The following SDK1 variants were observed in gnomAD, a reference collection of about 807,000 sequenced individuals.
SDK1 encodes sidekick cell adhesion molecule 1.
In SDK1, 157 loss-of-function variants were observed where a neutral mutation model predicts 245.5. That is an observed-to-expected ratio of 0.64 (90% confidence interval 0.56 to 0.73). SDK1 has a LOEUF of 0.73. SDK1 is among the 30% of genes least tolerant of loss of function. SDK1 has a pLI of 0.00. For synonymous variants in SDK1, 1,647 were observed against 1,278.5 expected, an observed-to-expected ratio of 1.29 and a Z score of -6.15; for missense variants, 3,583 against 3,002.3, an observed-to-expected ratio of 1.19 and a Z score of -4.52.
intron 4 of SDK1, among the ~76,000 whole-genome samples, chr7:3,743,638 A>G (rs1779537412): frequency 6.6e-6 from 1 of 152,228 alleles, no homozygotes; most frequent in Admixed American, 6.5e-5. Context: ...GTAAGTATTT[A>G]AGGAACATTT....
At chr7:4,204,945 G>C (rs4460273) in intron 35 of SDK1, among the ~76,000 whole-genome samples, 41,312 of 144,592 alleles carry the variant, frequency 0.29, 6,691 homozygotes, top group African/African-American at 0.44. Flanking sequence ...GCTCCCAACT[G>C]CCTAAATGGC....
At chr7:3,618,410 A>G (rs566677483) in intron 1 of SDK1, among the ~76,000 whole-genome samples, 4 of 152,338 alleles carry the variant, frequency 2.6e-5, no homozygotes, top group South Asian at 2.1e-4. Flanking sequence ...AGCACATGCT[A>G]TAAGCTTTTT....
chr7:3,301,559 G>A lies in SDK1; in HGVS notation c.-28G>A. On this transcript the variant is annotated 5_prime_UTR_variant, in exon 1 of 45. Coordinates refer to ENST00000404826, the MANE Select transcript of SDK1 (RefSeq NM_152744.4). ...TGTCCTGCCCGCCCGTCCGTCCGGC[G>A]CGGCGCTCGGGGTGGCGGCTGCTCG... The A allele has an allele frequency of 2.4e-6, 2 of 846,302 alleles. No individual in the cohort carries two copies. The highest frequency in any genetic ancestry group is 2.8e-6 in the Non-Finnish European group (2 of 706,896). The allele number at this position is 846,302 out of a possible 1,614,324, so 52.4% of individuals were successfully genotyped here. A position where few individuals can be genotyped will look rare whatever the true frequency, so the allele number is the denominator to read the frequency against.
chr7:4,099,556 C>A (rs113297305), intron 22 of SDK1, among the ~76,000 whole-genome samples: 1 of 85,310 alleles, frequency 1.2e-5, no homozygotes, highest in East Asian at 3.3e-4. Context: ...TGAGTGTGAG[C>A]GCTCACAGAG....
rs1279832968 is a variant in SDK1 at position 3,927,382 on chromosome 7, G to T, written c.848-23541G>T. ...TTCATTTATTGAGCACCTACCGTGTGCTGGCTGCTGTGTTATATGCATCGT... is the reference window on the plus strand; with the variant it reads ...TTCATTTATTGAGCACCTACCGTGTTCTGGCTGCTGTGTTATATGCATCGT... On this transcript the variant is annotated intron_variant, in intron 5 of 44. Coordinates refer to ENST00000404826, the MANE Select transcript of SDK1 (RefSeq NM_152744.4). Among the ~76,000 whole-genome samples the T allele has an allele frequency of 2.0e-5, 3 of 152,098 alleles. No homozygotes were observed. The East Asian group carries it at 5.8e-4, about 29-fold the overall frequency.
chr7:3,447,797 C>G (rs1273494501), intron 1 of SDK1, among the ~76,000 whole-genome samples: 2 of 149,916 alleles, frequency 1.3e-5, no homozygotes, highest in African/African-American at 4.9e-5. Context: ...CTCTGCCTCC[C>G]GGGTTCAAGT....
At chr7:3,594,369 T>C (rs905266107) in intron 1 of SDK1, among the ~76,000 whole-genome samples, 7 of 152,212 alleles carry the variant, frequency 4.6e-5, no homozygotes, top group African/African-American at 1.7e-4. Flanking sequence ...GACATTTGGA[T>C]TGTTTCTGCT....
At chr7:3,482,614 G>A (rs1014336536) in intron 1 of SDK1, among the ~76,000 whole-genome samples, 1 of 152,168 alleles carries the variant, frequency 6.6e-6, no homozygotes, top group African/African-American at 2.4e-5. Flanking sequence ...GCCTCCCACA[G>A]GTCTTCCCTG....
intron 22 of SDK1, among the ~76,000 whole-genome samples, chr7:4,106,659 C>T (rs1011277850): frequency 2.0e-5 from 3 of 152,182 alleles, no homozygotes; most frequent in African/African-American, 4.8e-5. Flanking sequence ...GCACGCCCGG[C>T]GTTCTCAGAG....
chr7:3,396,697 T>A (rs1029185339), intron 1 of SDK1, among the ~76,000 whole-genome samples: 1 of 151,772 alleles, frequency 6.6e-6, no homozygotes, highest in Non-Finnish European at 1.5e-5. Flanking sequence ...TTTCATGATA[T>A]ATCTTTTCCC....
chr7:3,723,740 A>G (rs1778900096), intron 4 of SDK1, among the ~76,000 whole-genome samples: 1 of 151,592 alleles, frequency 6.6e-6, no homozygotes, highest in Non-Finnish European at 1.5e-5. Flanking sequence ...ATATACATAT[A>G]CACGTGTATA....
chr7:3,647,212 T>C (rs1439129039), intron 4 of SDK1, among the ~76,000 whole-genome samples: 1 of 152,236 alleles, frequency 6.6e-6, no homozygotes, highest in East Asian at 1.9e-4. Context: ...GATCACGCTA[T>C]AGCAGTCTAG....
At chr7:3,474,153 G>C (rs1456823757) in intron 1 of SDK1, among the ~76,000 whole-genome samples, 2 of 141,590 alleles carry the variant, frequency 1.4e-5, no homozygotes, top group African/African-American at 5.4e-5. Flanking sequence ...CCCAGGCTGG[G>C]GCGCGGTGGC....
At chr7:3,981,418 G>C (rs1783393392) in intron 13 of SDK1, among the ~76,000 whole-genome samples, 1 of 152,148 alleles carries the variant, frequency 6.6e-6, no homozygotes, top group South Asian at 2.1e-4. Context: ...GCCTCTGAGT[G>C]TCCATGTGAA....
At chr7:3,919,788 A>C (rs79403922) in intron 5 of SDK1, among the ~76,000 whole-genome samples, 16,106 of 152,182 alleles carry the variant, frequency 0.11, 1,321 homozygotes, top group African/African-American at 0.22. Context: ...GACCTGCTAC[A>C]TGTCAGAGGC....
intron 1 of SDK1, among the ~76,000 whole-genome samples, chr7:3,438,274 T>G (rs949304681): frequency 7.2e-5 from 11 of 152,212 alleles, no homozygotes; most frequent in Non-Finnish European, 1.6e-4. Context: ...ATAAAAACAT[T>G]TAACTAGGGT....
At chr7:3,644,735 T>G (rs892929347) in intron 4 of SDK1, among the ~76,000 whole-genome samples, 1 of 132,838 alleles carries the variant, frequency 7.5e-6, no homozygotes, top group African/African-American at 3.0e-5. Context: ...ATGGTGCCAC[T>G]GTACTCCAGC....
chr7:3,569,242 C>G (rs566227881), intron 1 of SDK1, among the ~76,000 whole-genome samples: 1 of 152,104 alleles, frequency 6.6e-6, no homozygotes, highest in African/African-American at 2.4e-5. Flanking sequence ...AAACAGAAGT[C>G]GGAATTCAAA....
rs1220614355 is a variant in SDK1 at position 3,969,208 on chromosome 7, C to G, written c.1547-49C>G. The G allele has an allele frequency of 2.7e-6, 4 of 1,467,648 alleles. No individual in the cohort carries two copies. The African/African-American group carries it at 4.3e-5, about 16-fold the overall frequency. 90.9% of individuals were successfully genotyped at this position (1,467,648 alleles called of 1,614,324 possible). A position where few individuals can be genotyped will look rare whatever the true frequency, so the allele number is the denominator to read the frequency against. ...TGGCTCTAACCACTATCTTCATTTC[C>G]TTCAAGCGTTACGACTGTAACATGC... On this transcript the variant is annotated intron_variant, in intron 10 of 44. Transcript: ENST00000404826.
Sources: allele counts gnomAD v4.1 joint callset (sites outside exome capture counted in the v4.1 genomes callset), GRCh38; gene constraint gnomAD v4.1.1; transcripts MANE v1.5; gene names NCBI Gene and HGNC (gene_info 2026-07-23, HGNC 2026-07-21).